ZNF804B: variants seen among roughly 807,000 people sequenced by gnomAD.
The protein encoded by ZNF804B is zinc finger 804B.
ZNF804B carries 80 observed loss-of-function variants against 101.4 expected under a neutral mutation model. That is an observed-to-expected ratio of 0.79 (90% confidence interval 0.66 to 0.95). The LOEUF (loss-of-function observed/expected upper bound fraction) is 0.95, where lower values mean the gene tolerates loss of function less well. Ranked by LOEUF, ZNF804B falls within the 40% of genes least tolerant of loss-of-function variation. ZNF804B has a pLI of 0.00. For missense variants in ZNF804B, 1,673 were observed against 1,561.9 expected (o/e 1.07, Z -1.20); for synonymous variants, 622 against 558.8 (o/e 1.11, Z -1.59).
intron 1 of ZNF804B, among the ~76,000 whole-genome samples, chr7:88,988,869 C>T (rs910170665): frequency 1.3e-5 from 2 of 152,108 alleles, no homozygotes; most frequent in African/African-American, 4.8e-5. Flanking sequence ...AACTTGCTGT[C>T]TATGTAAACA....
intron 1 of ZNF804B, among the ~76,000 whole-genome samples, chr7:88,962,708 C>T (rs868160185): frequency 1.2e-4 from 10 of 84,172 alleles, no homozygotes; most frequent in Middle Eastern, 0.01. Context: ...GTTAAACTCA[C>T]ATATATATAT....
chr7:89,057,616 G>C (rs1044901922), intron 1 of ZNF804B, among the ~76,000 whole-genome samples: 4 of 152,244 alleles, frequency 2.6e-5, no homozygotes, highest in Non-Finnish European at 4.4e-5. Context: ...TCGATGTCCA[G>C]TGTAATAAAG....
At chr7:89,092,270 C>T (rs1005139832) in intron 1 of ZNF804B, among the ~76,000 whole-genome samples, 3 of 151,656 alleles carry the variant, frequency 2.0e-5, no homozygotes, top group Non-Finnish European at 2.9e-5. Flanking sequence ...TCCCAAAGTC[C>T]CTACCTTCTA....
At chr7:89,185,179 A>G (rs1788357177) in intron 1 of ZNF804B, among the ~76,000 whole-genome samples, 1 of 152,236 alleles carries the variant, frequency 6.6e-6, no homozygotes, top group African/African-American at 2.4e-5. Flanking sequence ...ATATGTGAAC[A>G]GATCGATTTC....
At position 89,333,527 on chromosome 7, in the gene ZNF804B, G is replaced by A. The variant is rs139327261; in HGVS notation, c.545G>A (p.Arg182Gln). 2.0e-5 allele frequency: 32 copies of A among 1,613,218 alleles called. No individual in the cohort carries two copies. The highest frequency in any genetic ancestry group is 1.2e-4 in the Admixed American group (7 of 59,846). The change falls in exon 4 of 4, where the codon CGG becomes CAG. Residue 182 changes from arginine to glutamine, a missense_variant. Physicochemically the swap from Arg to Gln is conservative, Grantham distance 43 (BLOSUM62 1). Transcript: ENST00000333190. ...CCCAGAATCATATCCGATAAACAGC[G>A]GTCCACCATGCCAAATCGACACCAA... ...NLPRIISDKQ[R>Q]STMPNRHQLQ...
intron 1 of ZNF804B, among the ~76,000 whole-genome samples, chr7:88,904,076 T>C (rs930407038): frequency 1.3e-5 from 2 of 152,190 alleles, no homozygotes; most frequent in Non-Finnish European, 2.9e-5. Context: ...AGGATTCTTA[T>C]AGTTTGAGGT....
At chr7:89,167,395 A>T (rs537624758) in intron 1 of ZNF804B, among the ~76,000 whole-genome samples, 1 of 151,984 alleles carries the variant, frequency 6.6e-6, no homozygotes, top group African/African-American at 2.4e-5. Flanking sequence ...GTGAGCCACG[A>T]TCGTGCCATT....
In ZNF804B at chr7:89,337,953, A is replaced by G. The variant is rs1376529561; in HGVS notation, c.*921A>G. On this transcript the variant is annotated 3_prime_UTR_variant, in exon 4 of 4. Coordinates refer to ENST00000333190, the MANE Select transcript of ZNF804B (RefSeq NM_181646.5). ...GGTTTGAAAATGTCAGTGTTTTTAC[A>G]TGTTTATTGAGGATATCTTATTAAA... 6.6e-6 allele frequency among the ~76,000 whole-genome samples: 1 copy of G among 152,078 alleles called. No individual in the cohort carries two copies. The highest frequency in any genetic ancestry group is 1.5e-5 in the Non-Finnish European group (1 of 67,962).
chr7:88,919,449 G>A (rs1792687265), intron 1 of ZNF804B, among the ~76,000 whole-genome samples: 2 of 152,092 alleles, frequency 1.3e-5, no homozygotes, highest in Non-Finnish European at 2.9e-5. Context: ...TACATTGAGA[G>A]GGACAGTCTT....
Position 89,334,905 on chromosome 7 carries a change from C to T in ZNF804B, c.1923C>T (p.Pro641=). The change falls in exon 4 of 4, where the codon CCC becomes CCT. Residue 641 remains proline, a synonymous_variant. Coordinates refer to ENST00000333190, the MANE Select transcript of ZNF804B (RefSeq NM_181646.5). ...ISRFKKHKLI[P]CSPHLEFEDE... is the part of the protein sequence containing the mutation. ...GGTTTAAAAAGCATAAATTGATTCC[C>T]TGCAGTCCTCATTTGGAATTTGAAG... 2 of 1,613,850 alleles carry T rather than the reference C, an allele frequency of 1.2e-6. No homozygotes were observed. The highest frequency in any genetic ancestry group is 8.5e-7 in the Non-Finnish European group (1 of 1,179,882).
intron 1 of ZNF804B, among the ~76,000 whole-genome samples, chr7:89,143,822 A>T (rs1468986279): frequency 2.0e-5 from 3 of 152,048 alleles, no homozygotes; most frequent in African/African-American, 7.2e-5. Context: ...TTTAAAATGT[A>T]TGCATAGTTT....
intron 1 of ZNF804B, among the ~76,000 whole-genome samples, chr7:88,857,807 C>G (rs948614202): frequency 2.8e-5 from 4 of 141,372 alleles, no homozygotes; most frequent in African/African-American, 5.4e-5. Context: ...CTTTCTTTCT[C>G]CTTTCCTTTC....
intron 1 of ZNF804B, among the ~76,000 whole-genome samples, chr7:88,827,894 G>C (rs960730151): frequency 6.6e-6 from 1 of 152,012 alleles, no homozygotes; most frequent in Admixed American, 6.6e-5. Flanking sequence ...AATGAAACTG[G>C]AGCCTTTTCT....
intron 1 of ZNF804B, among the ~76,000 whole-genome samples, chr7:88,862,337 A>G (rs1031122951): frequency 6.6e-6 from 1 of 152,134 alleles, no homozygotes; most frequent in African/African-American, 2.4e-5. Context: ...ACCCTTAAGG[A>G]GCTCGCCATT....
intron 1 of ZNF804B, among the ~76,000 whole-genome samples, chr7:88,766,078 C>G (rs541073362): frequency 5.3e-5 from 8 of 152,208 alleles, no homozygotes; most frequent in African/African-American, 1.4e-4. Context: ...GTGTGAGGAT[C>G]CCTTGAAGCC....
At chr7:88,907,337 G>A (rs1263626978) in intron 1 of ZNF804B, among the ~76,000 whole-genome samples, 1 of 151,862 alleles carries the variant, frequency 6.6e-6, no homozygotes, top group Non-Finnish European at 1.5e-5. Flanking sequence ...TTTAAATTCA[G>A]AGTTAATATT....
intron 1 of ZNF804B, among the ~76,000 whole-genome samples, chr7:89,173,234 G>A (rs2116437590): frequency 6.6e-6 from 1 of 152,050 alleles, no homozygotes; most frequent in South Asian, 2.1e-4. Flanking sequence ...TTATAATCCA[G>A]CCTACACCAT....
chr7:89,006,314 G>A (rs1788368340), intron 1 of ZNF804B, among the ~76,000 whole-genome samples: 1 of 151,954 alleles, frequency 6.6e-6, no homozygotes, highest in Non-Finnish European at 1.5e-5. Flanking sequence ...TATTTGGAAG[G>A]TAATAACAAT....
At chr7:89,155,493 T>C (rs1205710533) in intron 1 of ZNF804B, among the ~76,000 whole-genome samples, 1 of 152,182 alleles carries the variant, frequency 6.6e-6, no homozygotes, top group Non-Finnish European at 1.5e-5. Flanking sequence ...CTTCAAACCT[T>C]ATATCCTCAG....
Sources: allele counts gnomAD v4.1 joint callset (sites outside exome capture counted in the v4.1 genomes callset), GRCh38; gene constraint gnomAD v4.1.1; transcripts MANE v1.5; gene names NCBI Gene and HGNC (gene_info 2026-07-23, HGNC 2026-07-21).